Variants in STEEP1 observed in about 807,000 individuals in gnomAD.
The protein encoded by STEEP1 is STING1 ER exit protein 1.
In STEEP1, 3 loss-of-function variants were observed where a neutral mutation model predicts 19.2. The observed-to-expected ratio is 0.16, with a 90% CI of 0.07 to 0.40. The LOEUF (loss-of-function observed/expected upper bound fraction) is 0.40. Ranked by LOEUF, STEEP1 falls within the 10% of genes least tolerant of loss-of-function variation. The probability of loss-of-function intolerance (pLI) is 0.99; values close to 1 mark genes in which losing one functional copy is unlikely to be tolerated. For missense variants in STEEP1, 54 were observed against 177.1 expected (o/e 0.30, Z 3.94); for synonymous variants, 46 against 63.7 (o/e 0.72, Z 1.32).
At chrX:119,554,444 C>G (rs2053265057) in intron 2 of STEEP1, among the ~76,000 whole-genome samples, 1 of 110,880 alleles carries the variant, frequency 9.0e-6, no homozygotes, top group African/African-American at 3.3e-5. Context: ...GACTTCATCT[C>G]AAGAAAAAAA....
chrX:119,549,773 C>T, intron 2 of STEEP1, among the ~76,000 whole-genome samples: 1 of 112,225 alleles, frequency 8.9e-6, no homozygotes, highest in Non-Finnish European at 1.9e-5. Flanking sequence ...GACCTACTCA[C>T]ATGACAGCAA....
intron 2 of STEEP1, among the ~76,000 whole-genome samples, chrX:119,558,983 G>C (rs780319776): frequency 2.0e-4 from 22 of 110,642 alleles, no homozygotes; most frequent in South Asian, 1.1e-3. Context: ...TTGGGAGGCA[G>C]AGGCAGGTGG....
chrX:119,553,858 G>A (rs2053260955), intron 2 of STEEP1, among the ~76,000 whole-genome samples: 1 of 111,965 alleles, frequency 8.9e-6, no homozygotes, highest in Admixed American at 9.6e-5. Flanking sequence ...ATGACAAACT[G>A]GATTTTGTCA....
chrX:119,543,101 A>G (rs780631009), intron 4 of STEEP1, among the ~76,000 whole-genome samples: 80 of 110,027 alleles, frequency 7.3e-4, no homozygotes, highest in Middle Eastern at 4.7e-3. Context: ...GCCTCAGGCA[A>G]TCCTCCTGCC....
In STEEP1 at chrX:119,539,359, C is replaced by T. The variant is rs1359642944; in HGVS notation, c.*368G>A. The T allele has an allele frequency of 4.0e-5, 5 of 123,516 alleles. No individual in the cohort carries two copies. Among genetic ancestry groups the T allele is most frequent in the Admixed American group, 2.6e-4 (3 of 11,739 alleles). The allele number at this position is 123,516 out of a possible 1,213,427, so 10.2% of individuals were successfully genotyped here. The stretch of plus-strand genomic sequence containing the variant: ...CCAGCCTGGCCAACATGGTGGAACC[C>T]GTCTCTACTAAAAATACAAAAATTA... On this transcript the variant is annotated 3_prime_UTR_variant, in exon 7 of 7. Coordinates refer to ENST00000644802, the MANE Select transcript of STEEP1 (RefSeq NM_022101.4).
intron 1 of STEEP1, among the ~76,000 whole-genome samples, chrX:119,563,961 G>C (rs185882371): frequency 2.7e-5 from 3 of 111,482 alleles, no homozygotes; most frequent in African/African-American, 9.8e-5. Context: ...TTTTCAGCAC[G>C]ATATATTTGA....
intron 2 of STEEP1, among the ~76,000 whole-genome samples, chrX:119,551,208 C>T (rs1413955382): frequency 8.1e-5 from 9 of 110,521 alleles, no homozygotes; most frequent in Non-Finnish European, 1.5e-4. Context: ...GGGCCAGGTG[C>T]GGCGGCTCAC....
At position 119,560,264 on chromosome X, in the gene STEEP1, T is replaced by C; in HGVS notation, c.242+4A>G. The C allele has an allele frequency of 8.6e-7, 1 of 1,169,365 alleles. No homozygotes were observed. Among genetic ancestry groups the C allele is most frequent in the Non-Finnish European group, 1.2e-6 (1 of 856,939 alleles). ...ATCCTAAACAGGGAGCATCAACCTCTTACCTCCGCAGATACATAGTCTCCT... is the reference window on the plus strand; with the variant it reads ...ATCCTAAACAGGGAGCATCAACCTCCTACCTCCGCAGATACATAGTCTCCT... On this transcript the variant is annotated splice_donor_region_variant and intron_variant, in intron 2 of 6. Transcript: ENST00000644802.
intron 1 of STEEP1, among the ~76,000 whole-genome samples, chrX:119,563,073 A>G (rs1279607538): frequency 1.8e-5 from 2 of 112,280 alleles, no homozygotes; most frequent in African/African-American, 6.5e-5. Flanking sequence ...AGAGGTAGCC[A>G]CAGGCCTGAT....
chrX:119,546,832 C>T (rs903691486), intron 2 of STEEP1, among the ~76,000 whole-genome samples: 3 of 111,786 alleles, frequency 2.7e-5, no homozygotes, highest in African/African-American at 9.7e-5. Flanking sequence ...ACGTTCCTGC[C>T]ACTATCTTAG....
intron 2 of STEEP1, among the ~76,000 whole-genome samples, chrX:119,548,787 C>G (rs2053225047): frequency 9.0e-6 from 1 of 111,356 alleles, no homozygotes; most frequent in Non-Finnish European, 1.9e-5. Flanking sequence ...GCATTATTCA[C>G]AACAGCCAAG....
At position 119,565,287 on chromosome X, in the gene STEEP1, G is replaced by T; in HGVS notation, c.69C>A (p.Gly23=). Residue 23 remains glycine (G), a synonymous_variant, in exon 1 of 7, where the codon GGC becomes GGA. Coordinates refer to ENST00000644802, the MANE Select transcript of STEEP1 (RefSeq NM_022101.4). ...AGTAGTAAACATGGAGGGGCTTCTC[G>T]CCGTCGTCATATTCCTCCCGGTCCC... ...DTRDREEYDD[G]EKPLHVYYCL... The T allele has an allele frequency of 6.6e-6, 8 of 1,210,039 alleles. No individual in the cohort carries two copies. The highest frequency in any genetic ancestry group is 8.9e-6 in the Non-Finnish European group (8 of 894,445).
At chrX:119,564,067 T>C (rs963096669) in intron 1 of STEEP1, among the ~76,000 whole-genome samples, 18 of 111,360 alleles carry the variant, frequency 1.6e-4, no homozygotes, top group Admixed American at 9.6e-4. Context: ...GTTACCAGCA[T>C]GTCAGTTGTA....
At chrX:119,551,436 C>A (rs2053240572) in intron 2 of STEEP1, among the ~76,000 whole-genome samples, 1 of 104,702 alleles carries the variant, frequency 9.6e-6, no homozygotes, top group Admixed American at 1.0e-4. Flanking sequence ...ACCGAGATTG[C>A]AACACTGCAT....
intron 2 of STEEP1, among the ~76,000 whole-genome samples, chrX:119,550,764 G>C (rs948510203): frequency 2.7e-5 from 3 of 111,707 alleles, no homozygotes; most frequent in African/African-American, 9.8e-5. Context: ...CCAGGTTCAA[G>C]CGATTCTCTC....
chrX:119,563,045 G>A (rs1168463018), intron 1 of STEEP1, among the ~76,000 whole-genome samples: 1 of 112,187 alleles, frequency 8.9e-6, no homozygotes, highest in Non-Finnish European at 1.9e-5. Context: ...GAGGAAGACT[G>A]TTAGGGAATG....
At position 119,564,996 on chromosome X, in the gene STEEP1, AAGG is replaced by A. The variant is rs370919481; in HGVS notation, c.124+233_124+235del. Reference sequence around the variant, plus strand: ...TTGTGTTTCTATTTTTGTTCTCCTGAAGGAGTTTAGTTTTGAGGAAGGTCTGGA... The same window carrying A: ...TTGTGTTTCTATTTTTGTTCTCCTGAAGTTTAGTTTTGAGGAAGGTCTGGA... On this transcript the variant is annotated intron_variant, in intron 1 of 6. Coordinates refer to ENST00000644802, the MANE Select transcript of STEEP1 (RefSeq NM_022101.4). 48 of 318,710 alleles carry A rather than the reference AAGG, an allele frequency of 1.5e-4. 2 individuals carry two copies. Among genetic ancestry groups the A allele is most frequent in the African/African-American group, 1.1e-3 (43 of 37,589 alleles). The allele number at this position is 318,710 out of a possible 1,213,427, so 26.3% of individuals were successfully genotyped here.
intron 1 of STEEP1, among the ~76,000 whole-genome samples, chrX:119,564,391 G>T (rs763244174): frequency 9.2e-6 from 1 of 108,110 alleles, no homozygotes. Context: ...AGCTACTCGG[G>T]AGGCTGAGGC....
Position 119,556,192 on chromosome X carries a change from T to C in STEEP1, c.242+4076A>G, listed in dbSNP as rs765542600. On this transcript the variant is annotated intron_variant, in intron 2 of 6. Coordinates refer to ENST00000644802, the MANE Select transcript of STEEP1 (RefSeq NM_022101.4). ...ACCCATCAGCTGACATCTACTTCCA[T>C]CTCTTTTGCTTGGCCAAAGCTAAGT... Among the ~76,000 whole-genome samples the C allele has an allele frequency of 2.7e-5, 3 of 110,806 alleles. No homozygotes were observed. In the South Asian group the frequency reaches 1.1e-3, roughly 42 times the overall value.
Sources: gnomAD v4.1 joint callset for allele counts (sites outside exome capture counted in the v4.1 genomes callset) on GRCh38, gnomAD v4.1.1 for gene constraint, MANE v1.5 for transcripts, NCBI Gene and HGNC (gene_info 2026-07-23, HGNC 2026-07-21) for gene names.